The following ABLIM1 variants were observed in gnomAD, a reference collection of about 807,000 sequenced individuals.
The protein encoded by ABLIM1 is actin binding LIM protein 1.
In ABLIM1, 40 loss-of-function variants were observed where a neutral mutation model predicts 107.0. The ratio of observed to expected loss-of-function variants is 0.37; its 90% CI spans 0.29 to 0.49. The LOEUF is 0.49. Ranked by LOEUF, ABLIM1 falls within the 20% of genes least tolerant of loss-of-function variation. The pLI is 0.97. For missense variants in ABLIM1, 857 were observed against 1,008.5 expected (o/e 0.85, Z 2.04); for synonymous variants, 357 against 357.3 (o/e 1.00, Z 0.01).
At chr10:114,590,701 C>T (rs1166785578) in intron 2 of ABLIM1, among the ~76,000 whole-genome samples, 1 of 152,162 alleles carries the variant, frequency 6.6e-6, no homozygotes, top group African/African-American at 2.4e-5. Context: ...CCACCCTTTG[C>T]CTTGCCCAGG....
chr10:114,616,011 T>C (rs754743036), intron 1 of ABLIM1, among the ~76,000 whole-genome samples: 6 of 152,024 alleles, frequency 3.9e-5, no homozygotes, highest in Non-Finnish European at 8.8e-5. Flanking sequence ...ATGAGTAGTG[T>C]TCTACTCATA....
chr10:114,617,857 G>A (rs117502690), intron 1 of ABLIM1, among the ~76,000 whole-genome samples: 118 of 152,254 alleles, frequency 7.8e-4, no homozygotes, highest in Non-Finnish European at 6.9e-4. Context: ...GCTCACATGT[G>A]TAATCCCAGC....
At chr10:114,555,257 AATAGAG>A (rs2138007062) in intron 4 of ABLIM1, among the ~76,000 whole-genome samples, 1 of 152,198 alleles carries the variant, frequency 6.6e-6, no homozygotes, top group Non-Finnish European at 1.5e-5. Flanking sequence ...AACCTGGGAG[AATAGAG>A]ATTATCTGCA....
At chr10:114,581,801 T>C (rs756933829) in intron 2 of ABLIM1, among the ~76,000 whole-genome samples, 1 of 152,100 alleles carries the variant, frequency 6.6e-6, no homozygotes, top group Non-Finnish European at 1.5e-5. Flanking sequence ...ACCCTCCTCA[T>C]TTCCAGTGAT....
At chr10:114,493,833 A>G (rs2059329699) in intron 6 of ABLIM1, among the ~76,000 whole-genome samples, 1 of 152,244 alleles carries the variant, frequency 6.6e-6, no homozygotes, top group Admixed American at 6.5e-5. Flanking sequence ...TTTATCAAAA[A>G]TGAACCTATT....
At chr10:114,565,703 C>G (rs1171828131) in intron 4 of ABLIM1, among the ~76,000 whole-genome samples, 2 of 151,242 alleles carry the variant, frequency 1.3e-5, no homozygotes, top group African/African-American at 4.9e-5. Context: ...TTAAAGGCTA[C>G]TGGACTAAAT....
chr10:114,483,581 C>T (rs906881735), intron 8 of ABLIM1, among the ~76,000 whole-genome samples: 3 of 152,164 alleles, frequency 2.0e-5, no homozygotes, highest in South Asian at 2.1e-4. Flanking sequence ...CCAGCCCATC[C>T]GACTTCATTC....
chr10:114,506,915 C>G (rs1457623870), intron 6 of ABLIM1, among the ~76,000 whole-genome samples: 1 of 152,192 alleles, frequency 6.6e-6, no homozygotes, highest in Non-Finnish European at 1.5e-5. Context: ...TTCATGGGAG[C>G]TGGGTAGGAA....
chr10:114,628,811 A>C (rs2077984624), intron 1 of ABLIM1, among the ~76,000 whole-genome samples: 1 of 152,226 alleles, frequency 6.6e-6, no homozygotes, highest in Admixed American at 6.5e-5. Context: ...AACAAAAATA[A>C]ATAATAAATC....
In ABLIM1 at chr10:114,441,641, T is replaced by C. The variant is rs1234072226; in HGVS notation, c.1998+81A>G. 15 of 1,299,864 alleles carry C rather than the reference T, an allele frequency of 1.2e-5. No individual in the cohort carries two copies. In the East Asian group the frequency reaches 1.2e-4, roughly 10 times the overall value. The allele number at this position is 1,299,864 out of a possible 1,614,324, so 80.5% of individuals were successfully genotyped here. On this transcript the variant is annotated intron_variant, in intron 18 of 22. Coordinates refer to ENST00000533213, the MANE Select transcript of ABLIM1 (RefSeq NM_002313.7). Reference sequence around the variant, plus strand: ...CAACACTGAGATCAAGAGTCAGACGTATTCAGGCAATGTGTCAATACTTCA... The same window carrying C: ...CAACACTGAGATCAAGAGTCAGACGCATTCAGGCAATGTGTCAATACTTCA...
At chr10:114,613,166 A>C (rs2076924689) in intron 1 of ABLIM1, among the ~76,000 whole-genome samples, 1 of 152,250 alleles carries the variant, frequency 6.6e-6, no homozygotes, top group African/African-American at 2.4e-5. Context: ...GGCACTTCAC[A>C]ATTTATAAAA....
chr10:114,793,346 T>C, the ABLIM1 span, among the ~76,000 whole-genome samples: 4 of 151,948 alleles, frequency 2.6e-5, no homozygotes, highest in South Asian at 8.3e-4. Context: ...CCTCACTCTC[T>C]TGCCTTGGCC....
chr10:114,525,045 G>T (rs1225229802), intron 6 of ABLIM1, among the ~76,000 whole-genome samples: 1 of 152,206 alleles, frequency 6.6e-6, no homozygotes, highest in African/African-American at 2.4e-5. Flanking sequence ...CCCAACCAGG[G>T]GCATTTTGCC....
At chr10:114,480,510 A>G (rs569865579) in intron 8 of ABLIM1, among the ~76,000 whole-genome samples, 1 of 152,332 alleles carries the variant, frequency 6.6e-6, no homozygotes, top group South Asian at 2.1e-4. Flanking sequence ...AGTTGGAGAA[A>G]TTCAGTTCTT....
At chr10:114,765,424 G>C (rs1190219025) in intron 1 of ABLIM1, among the ~76,000 whole-genome samples, 1 of 151,946 alleles carries the variant, frequency 6.6e-6, no homozygotes, top group Non-Finnish European at 1.5e-5. Flanking sequence ...GAAATAAGTA[G>C]AGATCATTTT....
intron 6 of ABLIM1, among the ~76,000 whole-genome samples, chr10:114,535,847 C>T (rs2065942712): frequency 6.6e-6 from 1 of 152,084 alleles, no homozygotes; most frequent in Non-Finnish European, 1.5e-5. Flanking sequence ...GAAAATACAG[C>T]ATTCAAGGGA....
chr10:114,625,115 G>A (rs2497672), intron 1 of ABLIM1, among the ~76,000 whole-genome samples: 48,243 of 151,942 alleles, frequency 0.32, 8,917 homozygotes, highest in East Asian at 0.53. Context: ...TGTTGGTGGT[G>A]TCCCCTTTAA....
chr10:114,453,290 A>C, intron 13 of ABLIM1, 89 bp downstream of exon 13: 9 of 1,388,972 alleles, frequency 6.5e-6, no homozygotes, highest in Non-Finnish European at 8.2e-6. Flanking sequence ...CCCAATTAAA[A>C]GAGCATGAGA....
At chr10:114,492,241 A>G (rs1372200936) in intron 6 of ABLIM1, among the ~76,000 whole-genome samples, 1 of 152,076 alleles carries the variant, frequency 6.6e-6, no homozygotes. Context: ...TTTCTAACAA[A>G]CCAACCAAAA....
Sources: gnomAD v4.1 joint callset for allele counts (sites outside exome capture counted in the v4.1 genomes callset) on GRCh38, gnomAD v4.1.1 for gene constraint, MANE v1.5 for transcripts, NCBI Gene and HGNC (gene_info 2026-07-23, HGNC 2026-07-21) for gene names.